KDM2B: variants seen among roughly 807,000 people sequenced by gnomAD.
The protein encoded by KDM2B is lysine-specific demethylase 2B.
A neutral mutation model predicts 150.0 loss-of-function variants in KDM2B; 26 were observed. The ratio of observed to expected loss-of-function variants is 0.17; its 90% CI spans 0.13 to 0.24. KDM2B has a LOEUF of 0.24. Among genes scored for constraint, KDM2B ranks in the 10% least tolerant of loss-of-function variants. KDM2B has a pLI of 1.00. For synonymous variants in KDM2B, 734 were observed against 729.5 expected (o/e 1.01, Z -0.10); for missense variants, 1,265 against 1,816.9 (o/e 0.70, Z 5.52).
In KDM2B at chr12:121,453,073, C is replaced by T. The variant is rs574374639; in HGVS notation, c.1959+47G>A. 1.3e-6 allele frequency: 2 copies of T among 1,497,922 alleles called. No individual in the cohort carries two copies. Among genetic ancestry groups the T allele is most frequent in the African/African-American group, 1.4e-5 (1 of 72,364 alleles). 92.8% of individuals were successfully genotyped at this position (1,497,922 alleles called of 1,614,324 possible). ...CAGCGGTCAGACACGCGGGCCGGCA[C>T]GCAGGGGCCTGAATCGAGCGCAGGG... On this transcript the variant is annotated intron_variant, in intron 13 of 22. Transcript: ENST00000377071. This position sits in a 1 kb window ranked among gnomAD's most constrained non-coding sequence, Gnocchi z 6.4.
chr12:121,572,227 G>A (rs1891151287), intron 4 of KDM2B, among the ~76,000 whole-genome samples: 2 of 152,050 alleles, frequency 1.3e-5, no homozygotes. Context: ...AAATAAAAAT[G>A]TTTCAAACCC....
chr12:121,552,402 G>GGCATGA (rs1889570966), intron 4 of KDM2B, among the ~76,000 whole-genome samples: 1 of 152,192 alleles, frequency 6.6e-6, no homozygotes, highest in Non-Finnish European at 1.5e-5. Context: ...GCCAAGTGCA[G>GGCATGA]TGGCTCATGC....
At chr12:121,496,251 G>T (rs1448657509) in intron 11 of KDM2B, among the ~76,000 whole-genome samples, 3 of 152,048 alleles carry the variant, frequency 2.0e-5, no homozygotes, top group Non-Finnish European at 4.4e-5. Context: ...ACAAAAAAAT[G>T]TGTTTAAGCA....
chr12:121,580,255 G>GC, intron 1 of KDM2B: 1 of 1,275,756 alleles, frequency 7.8e-7, no homozygotes, highest in Admixed American at 3.7e-5. Flanking sequence ...GCAGTTGTGG[G>GC]GGGGGGGAGG....
chr12:121,524,619 C>G (rs1886974792), intron 8 of KDM2B: 1 of 415,812 alleles, frequency 2.4e-6, no homozygotes, highest in African/African-American at 2.0e-5. Flanking sequence ...TACCCACATG[C>G]CTCCCTCAGT....
chr12:121,552,628 G>A lies in KDM2B; in HGVS notation c.398-2990C>T, dbSNP rs558259842. On this transcript the variant is annotated intron_variant, in intron 4 of 22. Coordinates refer to ENST00000377071, the MANE Select transcript of KDM2B (RefSeq NM_032590.5). ...GTGGAGGTTGCAGTGAGCTGAGGTC[G>A]TGCCATTGCACTCTAGCCTGGGTGA... is the stretch of plus-strand genomic sequence containing the variant. Among the ~76,000 whole-genome samples the A allele has an allele frequency of 6.0e-5, 9 of 149,892 alleles. No individual in the cohort carries two copies. In the South Asian group the frequency reaches 1.7e-3, roughly 28 times the overall value.
chr12:121,457,839 A>C (rs1878508166), intron 12 of KDM2B, among the ~76,000 whole-genome samples: 2 of 151,944 alleles, frequency 1.3e-5, no homozygotes, highest in Non-Finnish European at 2.9e-5. Context: ...CCTTTAAGTG[A>C]ATGCTATCAA....
chr12:121,521,605 C>T lies in KDM2B; in HGVS notation c.932-505G>A, dbSNP rs886664981. Reference sequence around the variant, plus strand: ...CCCAAGCACTTTCCTCCGCCCAAGTCCATCTTCTTGTCATCAAACTCCACC... The same window carrying T: ...CCCAAGCACTTTCCTCCGCCCAAGTTCATCTTCTTGTCATCAAACTCCACC... On this transcript the variant is annotated intron_variant, in intron 8 of 22. Transcript: ENST00000377071. The surrounding 1 kb of genome is among the most constrained non-coding windows in gnomAD (Gnocchi z 4.9). Among the ~76,000 whole-genome samples the T allele has an allele frequency of 1.3e-5, 2 of 152,192 alleles. No homozygotes were observed. The highest frequency in any genetic ancestry group is 2.9e-5 in the Non-Finnish European group (2 of 68,032).
intron 6 of KDM2B, among the ~76,000 whole-genome samples, chr12:121,538,814 T>G (rs960262370): frequency 6.6e-6 from 1 of 152,020 alleles, no homozygotes; most frequent in African/African-American, 2.4e-5. Flanking sequence ...GCAGCCTGTC[T>G]CCCAGTCCCT....
chr12:121,553,950 AAC>A (rs1566411333), intron 4 of KDM2B, among the ~76,000 whole-genome samples: 1 of 151,718 alleles, frequency 6.6e-6, no homozygotes, highest in Non-Finnish European at 1.5e-5. Flanking sequence ...CTGTAATCCC[AAC>A]AGTTTGGGAG....
chr12:121,514,454 C>T (rs1555304547), intron 9 of KDM2B, among the ~76,000 whole-genome samples: 2 of 151,554 alleles, frequency 1.3e-5, no homozygotes, highest in African/African-American at 2.4e-5. Context: ...GAGATGTCAC[C>T]GAAAGATGGG....
At position 121,549,125 on chromosome 12, in the gene KDM2B, G is replaced by A; in HGVS notation, c.577-142C>T. ...TAGTCCCAACATGGGAGGAAGGAAG[G>A]GCAGGGATGACAGGACCCACACTTT... On this transcript the variant is annotated intron_variant, in intron 5 of 22. Transcript: ENST00000377071. The surrounding 1 kb of genome is among the most constrained non-coding windows in gnomAD (Gnocchi z 4.4). 1 of 674,214 alleles carries A rather than the reference G, an allele frequency of 1.5e-6. No individual in the cohort carries two copies. The allele number at this position is 674,214 out of a possible 1,614,324, so 41.8% of individuals were successfully genotyped here. A position where few individuals can be genotyped will look rare whatever the true frequency, so the allele number is the denominator to read the frequency against.
chr12:121,574,413 C>A (rs782471363), intron 4 of KDM2B, 134 bp downstream of exon 4: 8 of 780,036 alleles, frequency 1.0e-5, no homozygotes, highest in African/African-American at 1.7e-5. Context: ...TTGCAGCTCA[C>A]ACCTGCTCCT....
At chr12:121,570,317 G>T (rs1233203481) in intron 4 of KDM2B, among the ~76,000 whole-genome samples, 1 of 152,084 alleles carries the variant, frequency 6.6e-6, no homozygotes, top group African/African-American at 2.4e-5. Flanking sequence ...CTCCGAAAGT[G>T]CTGGGATTCC....
At chr12:121,499,114 T>TC (rs1221785100) in intron 11 of KDM2B, among the ~76,000 whole-genome samples, 1 of 149,500 alleles carries the variant, frequency 6.7e-6, no homozygotes, top group African/African-American at 2.5e-5. Context: ...CAATAAATTT[T>TC]TTTTTTTTTT....
rs1160947562 is a variant in KDM2B, at chr12:121,521,637, C to A, written c.932-537G>T. On this transcript the variant is annotated intron_variant, in intron 8 of 22. Transcript: ENST00000377071. This position sits in a 1 kb window ranked among gnomAD's most constrained non-coding sequence, Gnocchi z 4.9. ...CTTGTCATCAAACTCCACCCAGGCCCCTTTCCATGTGGTCTCCTTGGTCAC... is the reference window on the plus strand; with the variant it reads ...CTTGTCATCAAACTCCACCCAGGCCACTTTCCATGTGGTCTCCTTGGTCAC... Among the ~76,000 whole-genome samples the A allele has an allele frequency of 1.3e-5, 2 of 152,194 alleles. No homozygotes were observed. Among genetic ancestry groups the A allele is most frequent in the African/African-American group, 4.8e-5 (2 of 41,444 alleles).
At chr12:121,440,779 C>A (rs782495835) in intron 21 of KDM2B, 37 bp downstream of exon 21, 7 of 1,572,198 alleles carry the variant, frequency 4.5e-6, no homozygotes, top group Admixed American at 3.6e-5. Flanking sequence ...AGCTCGCTCA[C>A]CCCACCCCCA....
chr12:121,523,700 T>A (rs782574870), intron 8 of KDM2B, among the ~76,000 whole-genome samples: 12 of 152,198 alleles, frequency 7.9e-5, no homozygotes, highest in Admixed American at 2.6e-4. Flanking sequence ...GAGCTGGCCA[T>A]CCTCAGGGGA....
chr12:121,508,170 G>A (rs1885264348), intron 11 of KDM2B, among the ~76,000 whole-genome samples: 1 of 152,014 alleles, frequency 6.6e-6, no homozygotes, highest in South Asian at 2.1e-4. Flanking sequence ...CCCTATAGCA[G>A]TGACCTTCTG....
Sources: gnomAD v4.1 joint callset for allele counts (sites outside exome capture counted in the v4.1 genomes callset) on GRCh38, gnomAD v4.1.1 for gene constraint, Gnocchi (gnomAD v3.1) non-coding constraint, MANE v1.5 for transcripts, NCBI Gene and HGNC (gene_info 2026-07-23, HGNC 2026-07-21) for gene names.